Variants in ESRP1 observed in about 807,000 individuals in gnomAD.
ESRP1 encodes RNA-binding motif protein 35A.
A neutral mutation model predicts 81.7 loss-of-function variants in ESRP1; 33 were observed. The ratio of observed to expected loss-of-function variants is 0.40; its 90% CI spans 0.31 to 0.54. ESRP1 has a LOEUF of 0.54. Ranked by LOEUF, ESRP1 falls within the 20% of genes least tolerant of loss-of-function variation. ESRP1 has a pLI of 0.41. For missense variants in ESRP1, 672 were observed against 833.1 expected (o/e 0.81, Z 2.38); for synonymous variants, 320 against 303.3 (o/e 1.06, Z -0.57).
intron 14 of ESRP1, among the ~76,000 whole-genome samples, chr8:94,695,241 G>A (rs1264173612): frequency 6.7e-6 from 1 of 149,912 alleles, no homozygotes; most frequent in Non-Finnish European, 1.5e-5. Flanking sequence ...TTAATGGGAG[G>A]TTTTAATTTT....
chr8:94,655,066 TGTGTGTGTGTGTGTGTG>T (rs1563521730), intron 4 of ESRP1, among the ~76,000 whole-genome samples: 1 of 94,316 alleles, frequency 1.1e-5, no homozygotes, highest in African/African-American at 3.1e-5. Flanking sequence ...TTGGGTTTTT[TGTGTGTGTGTGTGTGTG>T]TGTGTTTTGT....
Sources: allele counts gnomAD v4.1 joint callset (sites outside exome capture counted in the v4.1 genomes callset), GRCh38; gene constraint gnomAD v4.1.1; transcripts MANE v1.5; gene names NCBI Gene and HGNC (gene_info 2026-07-23, HGNC 2026-07-21).